The following PIK3CG variants were observed in gnomAD, a reference collection of about 807,000 sequenced individuals.
PIK3CG encodes phosphatidylinositol-4,5-bisphosphate 3-kinase catalytic subunit gamma, also known as phosphatidylinositol 4,5-bisphosphate 3-kinase catalytic subunit gamma isoform.
PIK3CG carries 55 observed loss-of-function variants against 102.3 expected under a neutral mutation model. The ratio of observed to expected loss-of-function variants is 0.54; its 90% CI spans 0.43 to 0.67. PIK3CG has a LOEUF of 0.67. Ranked by LOEUF, PIK3CG falls within the 30% of genes least tolerant of loss-of-function variation. The pLI is 0.00. For missense variants in PIK3CG, 1,258 were observed against 1,391.8 expected (o/e 0.90, Z 1.53); for synonymous variants, 552 against 540.0 (o/e 1.02, Z -0.31).
chr7:106,880,850 A>G lies in PIK3CG; in HGVS notation c.2538+1185A>G, dbSNP rs1164046270. 4.0e-5 allele frequency among the ~76,000 whole-genome samples: 6 copies of G among 151,874 alleles called. No individual in the cohort carries two copies. In the East Asian group the frequency reaches 1.2e-3, roughly 29 times the overall value. ...TGCACCACCATACCTGGCAAATTAT[A>G]TTTTTTGTAGAGATGGGGTCTTGCC... On this transcript the variant is annotated intron_variant, in intron 6 of 10. Transcript: ENST00000496166. The surrounding 1 kb of genome is among the most constrained non-coding windows in gnomAD (Gnocchi z 4.2).
At position 106,872,699 on chromosome 7, in the gene PIK3CG, G is replaced by C. The variant is rs2116484488; in HGVS notation, c.2062-14G>C. ...TAGTCATAATAATTTCAACTTTCTT[G>C]TACCTGCCCTCAGAACAAAAGAATT... On this transcript the variant is annotated splice_polypyrimidine_tract_variant and intron_variant, in intron 3 of 10. Transcript: ENST00000496166. The surrounding 1 kb of genome is among the most constrained non-coding windows in gnomAD (Gnocchi z 5.3). The C allele has an allele frequency of 6.2e-7, 1 of 1,610,624 alleles. No individual in the cohort carries two copies. The highest frequency in any genetic ancestry group is 8.5e-7 in the Non-Finnish European group (1 of 1,176,792).
chr7:106,903,642 AAAAACCTAGTTTATT>A lies in PIK3CG; in HGVS notation c.3031-1462_3031-1448del, dbSNP rs1346066031. Among the ~76,000 whole-genome samples, 16 of 151,956 alleles carry A rather than the reference AAAAACCTAGTTTATT, an allele frequency of 1.1e-4. No homozygotes were observed. The highest frequency in any genetic ancestry group is 1.0e-3 in the Admixed American group (16 of 15,258). On this transcript the variant is annotated intron_variant, in intron 10 of 10. Coordinates refer to ENST00000496166, the MANE Select transcript of PIK3CG (RefSeq NM_001282426.2). This position sits in a 1 kb window ranked among gnomAD's most constrained non-coding sequence, Gnocchi z 4.3. ...CAGCATTCTATTTATTAATTTTTATAAAAACCTAGTTTATTAAAAACTACTTACAGTAATATTTGA... is the reference window on the plus strand; with the variant it reads ...CAGCATTCTATTTATTAATTTTTATAAAAAACTACTTACAGTAATATTTGA...
chr7:106,867,881 A>G lies in PIK3CG; in HGVS notation c.320A>G (p.Tyr107Cys), dbSNP rs2116424514. Residue 107 changes from tyrosine (Y) to cysteine (C), a missense_variant, in exon 2 of 11, where the codon TAC (tyrosine) becomes TGC (cysteine). Physicochemically the swap from Tyr to Cys is radical, Grantham distance 194. Around this residue, in one of 2 missense-constraint regions of PIK3CG, gnomAD observed 832 missense variants for 787.5 expected, o/e 1.06. Transcript: ENST00000496166. This position sits in a 1 kb window ranked among gnomAD's most constrained non-coding sequence, Gnocchi z 5.1. Reference protein sequence around the residue: ...LLLYQKKGQWYEIYDKYQVVQ... With the variant: ...LLLYQKKGQWCEIYDKYQVVQ... ...CTCTATCAGAAGAAGGGGCAGTGGT[A>G]CGAGATCTACGACAAGTACCAGGTG... The G allele has an allele frequency of 6.2e-7, 1 of 1,613,098 alleles. No individual in the cohort carries two copies. The highest frequency in any genetic ancestry group is 8.5e-7 in the Non-Finnish European group (1 of 1,179,956).
rs1239459193 is a variant in PIK3CG, at chr7:106,890,531, A to C, written c.3030+4239A>C. 6.6e-6 allele frequency among the ~76,000 whole-genome samples: 1 copy of C among 152,244 alleles called. No individual in the cohort carries two copies. Among genetic ancestry groups the C allele is most frequent in the Non-Finnish European group, 1.5e-5 (1 of 68,040 alleles). The stretch of plus-strand genomic sequence containing the variant: ...TAAAACTAGTAAATGTTGTTTATTA[A>C]AATCAAGAGCCAGCAAAATATTGAA... On this transcript the variant is annotated intron_variant, in intron 10 of 10. Coordinates refer to ENST00000496166, the MANE Select transcript of PIK3CG (RefSeq NM_001282426.2). This position sits in a 1 kb window ranked among gnomAD's most constrained non-coding sequence, Gnocchi z 4.2.
Position 106,903,706 on chromosome 7 carries a change from T to C in PIK3CG, c.3031-1403T>C, listed in dbSNP as rs1056313036. On this transcript the variant is annotated intron_variant, in intron 10 of 10. Transcript: ENST00000496166. This position sits in a 1 kb window ranked among gnomAD's most constrained non-coding sequence, Gnocchi z 4.3. ...GATTTTTTAAAGACAATTAGGTCAT[T>C]TGTAAATAATAAGTTTTCCTTCACT... 1.3e-5 allele frequency among the ~76,000 whole-genome samples: 2 copies of C among 151,704 alleles called. No individual in the cohort carries two copies. The highest frequency in any genetic ancestry group is 1.5e-5 in the Non-Finnish European group (1 of 67,940).
chr7:106,866,289 T>C (rs946038139), intron 1 of PIK3CG, among the ~76,000 whole-genome samples: 1 of 152,242 alleles, frequency 6.6e-6, no homozygotes, highest in African/African-American at 2.4e-5. Flanking sequence ...TGTATTACAA[T>C]GTAGTGATAC....
Position 106,867,998 on chromosome 7 carries a change from A to T in PIK3CG, c.437A>T (p.Glu146Val), listed in dbSNP as rs2116427835. The change falls in exon 2 of 11, where the codon GAG becomes GTG. Residue 146 changes from glutamate (E) to valine (V), a missense_variant. This residue lies in a region of PIK3CG where 832 missense variants were observed against 787.5 expected (regional missense o/e 1.06). Transcript: ENST00000496166. The surrounding 1 kb of genome is among the most constrained non-coding windows in gnomAD (Gnocchi z 5.1). ...HLVQRHPPSE[E>V]SQAFQRQLTA... ...GTGCAGCGGCACCCGCCCTCCGAGG[A>T]GTCCCAAGCCTTCCAGCGGCAGCTC... The T allele has an allele frequency of 6.2e-7, 1 of 1,612,010 alleles. No homozygotes were observed. The highest frequency in any genetic ancestry group is 1.1e-5 in the South Asian group (1 of 91,050).
Position 106,903,402 on chromosome 7 carries a change from T to C in PIK3CG, c.3031-1707T>C, listed in dbSNP as rs543755019. ...ATAATTTATATCATTATAAGCAGTC[T>C]TGTCACTGAGGGATGTTCAAAAACT... On this transcript the variant is annotated intron_variant, in intron 10 of 10. Transcript: ENST00000496166. This position sits in a 1 kb window ranked among gnomAD's most constrained non-coding sequence, Gnocchi z 4.3. Among the ~76,000 whole-genome samples the C allele has an allele frequency of 6.6e-6, 1 of 151,996 alleles. No individual in the cohort carries two copies. The highest frequency in any genetic ancestry group is 6.6e-5 in the Admixed American group (1 of 15,264).
rs553561770 is a variant in PIK3CG, at chr7:106,892,218, G to A, written c.3030+5926G>A. On this transcript the variant is annotated intron_variant, in intron 10 of 10. Transcript: ENST00000496166. The surrounding 1 kb of genome is among the most constrained non-coding windows in gnomAD (Gnocchi z 5.2). The stretch of plus-strand genomic sequence containing the variant: ...CTGCAGCCATCTCAGCATCATTTCC[G>A]GTCACTATTCTCTACCTCCCCTTCC... Among the ~76,000 whole-genome samples, 3 of 151,184 alleles carry A rather than the reference G, an allele frequency of 2.0e-5. No individual in the cohort carries two copies. Among genetic ancestry groups the A allele is most frequent in the African/African-American group, 7.3e-5 (3 of 41,172 alleles).
At position 106,872,903 on chromosome 7, in the gene PIK3CG, C is replaced by T. The variant is rs528601604; in HGVS notation, c.2252C>T (p.Ser751Leu). 8 of 1,613,996 alleles carry T rather than the reference C, an allele frequency of 5.0e-6. No individual in the cohort carries two copies. Among genetic ancestry groups the T allele is most frequent in the South Asian group, 3.3e-5 (3 of 91,072 alleles). Residue 751 changes from serine to leucine, a missense_variant, in exon 4 of 11, where the codon TCG (serine) becomes TTG (leucine). Transcript: ENST00000496166. This position sits in a 1 kb window ranked among gnomAD's most constrained non-coding sequence, Gnocchi z 5.3. Reference protein sequence around the residue: ...MLQKVTLDIKSLSAEKYDVSS... With the variant: ...MLQKVTLDIKLLSAEKYDVSS... The stretch of plus-strand genomic sequence containing the variant: ...CAAAAAGTCACCCTTGATATTAAAT[C>T]GCTCTCTGCTGAAAAGTATGACGTC...
At position 106,894,102 on chromosome 7, in the gene PIK3CG, G is replaced by C. The variant is rs1200253173; in HGVS notation, c.3030+7810G>C. 6.6e-6 allele frequency among the ~76,000 whole-genome samples: 1 copy of C among 152,190 alleles called. No homozygotes were observed. The highest frequency in any genetic ancestry group is 2.4e-5 in the African/African-American group (1 of 41,454). On this transcript the variant is annotated intron_variant, in intron 10 of 10. Transcript: ENST00000496166. The surrounding 1 kb of genome is among the most constrained non-coding windows in gnomAD (Gnocchi z 4.4). The stretch of plus-strand genomic sequence containing the variant: ...CTGTATATAGGACTTGTGATGTACA[G>C]TTTTAAATTAGCCTCCTTCCCCAAC...
chr7:106,887,530 A>G (rs534265725), intron 10 of PIK3CG, among the ~76,000 whole-genome samples: 1 of 152,074 alleles, frequency 6.6e-6, no homozygotes, highest in Admixed American at 6.5e-5. Context: ...CTGATTTTCA[A>G]TTTGGTGATT....
At chr7:106,881,404 A>G (rs781705472) in intron 6 of PIK3CG, among the ~76,000 whole-genome samples, 1 of 152,240 alleles carries the variant, frequency 6.6e-6, no homozygotes, top group Non-Finnish European at 1.5e-5. Context: ...TATATTCGCT[A>G]TCATTATCAT....
Position 106,905,448 on chromosome 7 carries a change from A to T in PIK3CG, c.*61A>T, listed in dbSNP as rs2116620784. The T allele has an allele frequency of 6.8e-7, 1 of 1,476,712 alleles. No individual in the cohort carries two copies. Among genetic ancestry groups the T allele is most frequent in the East Asian group, 2.3e-5 (1 of 43,996 alleles). 91.5% of individuals were successfully genotyped at this position (1,476,712 alleles called of 1,614,324 possible). On this transcript the variant is annotated 3_prime_UTR_variant, in exon 11 of 11. Coordinates refer to ENST00000496166, the MANE Select transcript of PIK3CG (RefSeq NM_001282426.2). The surrounding 1 kb of genome is among the most constrained non-coding windows in gnomAD (Gnocchi z 5.6). ...TATGGTTTAAATTAGCATAGCAATC[A>T]TCGAACTTGGATTTCAAATGCAATA...
chr7:106,899,696 A>T lies in PIK3CG; in HGVS notation c.3031-5413A>T, dbSNP rs531917576. On this transcript the variant is annotated intron_variant, in intron 10 of 10. Coordinates refer to ENST00000496166, the MANE Select transcript of PIK3CG (RefSeq NM_001282426.2). This position sits in a 1 kb window ranked among gnomAD's most constrained non-coding sequence, Gnocchi z 4.6. The stretch of plus-strand genomic sequence containing the variant: ...TTTGCGTATGTTGAACCAACCTTAC[A>T]TCCTGGGGATGAAACCTACTTGATC... Among the ~76,000 whole-genome samples the T allele has an allele frequency of 1.3e-5, 2 of 152,234 alleles. No homozygotes were observed. Among genetic ancestry groups the T allele is most frequent in the Admixed American group, 6.5e-5 (1 of 15,278 alleles).
At chr7:106,887,012 G>T (rs1311769312) in intron 10 of PIK3CG, among the ~76,000 whole-genome samples, 1 of 151,878 alleles carries the variant, frequency 6.6e-6, no homozygotes, top group Admixed American at 6.6e-5. Flanking sequence ...TCACAAAAAA[G>T]CCTCACAGTG....
At chr7:106,887,367 T>C (rs1791129007) in intron 10 of PIK3CG, among the ~76,000 whole-genome samples, 2 of 152,190 alleles carry the variant, frequency 1.3e-5, no homozygotes, top group Non-Finnish European at 2.9e-5. Flanking sequence ...ATGATTTGCT[T>C]TGCATTGCAC....
rs1193229577 is a variant in PIK3CG at position 106,874,376 on chromosome 7, G to A, written c.2288-324G>A. 6.6e-6 allele frequency among the ~76,000 whole-genome samples: 1 copy of A among 152,208 alleles called. No individual in the cohort carries two copies. Among genetic ancestry groups the A allele is most frequent in the Non-Finnish European group, 1.5e-5 (1 of 68,034 alleles). On this transcript the variant is annotated intron_variant, in intron 4 of 10. Coordinates refer to ENST00000496166, the MANE Select transcript of PIK3CG (RefSeq NM_001282426.2). This position sits in a 1 kb window ranked among gnomAD's most constrained non-coding sequence, Gnocchi z 4.3. ...TTAATGTGCTGGAAAGAAAACTACA[G>A]TATTAATTCCTTAGCATCACCCTCA...
chr7:106,886,784 A>G (rs1358692377), intron 10 of PIK3CG, among the ~76,000 whole-genome samples: 1 of 152,192 alleles, frequency 6.6e-6, no homozygotes, highest in Non-Finnish European at 1.5e-5. Context: ...AATACCCAAT[A>G]TTTCATTTGA....
Sources: allele counts gnomAD v4.1 joint callset (sites outside exome capture counted in the v4.1 genomes callset), GRCh38; gene constraint gnomAD v4.1.1; regional missense constraint gnomAD v4.1.1; non-coding constraint Gnocchi (gnomAD v3.1); transcripts MANE v1.5; gene names NCBI Gene and HGNC (gene_info 2026-07-23, HGNC 2026-07-21).